The following ERMP1 variants were observed in gnomAD, a reference collection of about 807,000 sequenced individuals.
ERMP1 encodes the protein endoplasmic reticulum metallopeptidase 1.
A neutral mutation model predicts 92.0 loss-of-function variants in ERMP1; 86 were observed. The observed-to-expected ratio is 0.93, with a 90% CI of 0.79 to 1.12. The LOEUF (loss-of-function observed/expected upper bound fraction) is 1.12, where lower values mean the gene tolerates loss of function less well. Ranked by LOEUF, ERMP1 falls within the 50% of genes most tolerant of loss-of-function variation. ERMP1 has a pLI of 0.00. For synonymous variants in ERMP1, 530 were observed against 412.8 expected (o/e 1.28, Z -3.44); for missense variants, 1,342 against 1,116.3 (o/e 1.20, Z -2.88).
chr9:5,818,395 A>G (rs1829402556), intron 4 of ERMP1, among the ~76,000 whole-genome samples: 1 of 152,212 alleles, frequency 6.6e-6, no homozygotes, highest in South Asian at 2.1e-4. Flanking sequence ...CTCATACACT[A>G]AAGGTATTTC....
chr9:5,790,601 G>A (rs1828148015), intron 13 of ERMP1, among the ~76,000 whole-genome samples: 3 of 152,178 alleles, frequency 2.0e-5, no homozygotes, highest in African/African-American at 7.2e-5. Flanking sequence ...TTTCAGGCAA[G>A]TGGAAATTGT....
At chr9:5,808,495 G>A (rs1476499713) in intron 8 of ERMP1, among the ~76,000 whole-genome samples, 1 of 152,154 alleles carries the variant, frequency 6.6e-6, no homozygotes, top group African/African-American at 2.4e-5. Flanking sequence ...AGGTTCCACA[G>A]AACACATCCC....
In ERMP1 at chr9:5,819,141, A is replaced by G. The variant is rs538076047; in HGVS notation, c.874+4755T>C. On this transcript the variant is annotated intron_variant, in intron 4 of 14. Transcript: ENST00000339450. ...TGAATGTTTACTCCAGCATTATCAT[A>G]AAAGTCTAAAAGTGGAAACAATCCA... Among the ~76,000 whole-genome samples, 5 of 152,336 alleles carry G rather than the reference A, an allele frequency of 3.3e-5. No individual in the cohort carries two copies. The East Asian group carries it at 9.6e-4, about 29-fold the overall frequency.
chr9:5,842,443 AAAAAAAAG>A (rs1452189528), intron 6 of ERMP1, among the ~76,000 whole-genome samples: 1 of 150,538 alleles, frequency 6.6e-6, no homozygotes, highest in Non-Finnish European at 1.5e-5. Flanking sequence ...TCAAAAAAAA[AAAAAAAAG>A]AAAGAAAAGA....
At chr9:5,808,312 T>C (rs768115191) in intron 8 of ERMP1, among the ~76,000 whole-genome samples, 1 of 152,212 alleles carries the variant, frequency 6.6e-6, no homozygotes, top group East Asian at 1.9e-4. Flanking sequence ...CAATCAACAA[T>C]AGTTAGCCAC....
intron 2 of ERMP1, among the ~76,000 whole-genome samples, chr9:5,826,276 C>T (rs955967397): frequency 1.3e-5 from 2 of 152,210 alleles, no homozygotes; most frequent in Non-Finnish European, 1.5e-5. Context: ...GTAACTCAGG[C>T]AGTAACATTT....
intron 12 of ERMP1, among the ~76,000 whole-genome samples, chr9:5,798,167 C>T (rs980712772): frequency 1.3e-5 from 2 of 152,156 alleles, no homozygotes; most frequent in Non-Finnish European, 2.9e-5. Context: ...CCTATTTCTT[C>T]TCATCCAGTC....
intron 6 of ERMP1, among the ~76,000 whole-genome samples, chr9:5,854,050 C>A (rs1362071870): frequency 6.6e-6 from 1 of 151,910 alleles, no homozygotes; most frequent in Non-Finnish European, 1.5e-5. Flanking sequence ...GCTTATATAT[C>A]ATTTTAACAA....
intron 12 of ERMP1, 59 bp from the exon 13 acceptor site, chr9:5,797,991 C>G (rs1410509203): frequency 9.8e-7 from 1 of 1,024,526 alleles, no homozygotes; most frequent in Non-Finnish European, 1.5e-6. Flanking sequence ...CTATCTGTAA[C>G]TCACAGAACT....
At chr9:5,798,698 A>C (rs1442048451) in intron 12 of ERMP1, 108 bp downstream of exon 12, 5 of 668,738 alleles carry the variant, frequency 7.5e-6, no homozygotes, top group Non-Finnish European at 1.3e-5. Context: ...TAGTACAAAC[A>C]CCACTGAACT....
In ERMP1 at chr9:5,832,833, C is replaced by G; in HGVS notation, c.195G>C (p.Gly65=). Residue 65 remains glycine, a synonymous_variant, in exon 1 of 15, where the codon GGG becomes GGC. Transcript: ENST00000339450. ...CGGCGCGCACCTCAGACAGCCCGGT[C>G]CCCGCGCCCCTGCTCGCGCCGCCGC... ...GGSGGASRGA[G]TGLSEVRAAL... 6.7e-7 allele frequency: 1 copy of G among 1,501,702 alleles called. No homozygotes were observed. The highest frequency in any genetic ancestry group is 1.2e-5 in the South Asian group (1 of 80,164). 93.0% of individuals were successfully genotyped at this position (1,501,702 alleles called of 1,614,324 possible).
In ERMP1 at chr9:5,799,344, A is replaced by G. The variant is rs144845151; in HGVS notation, c.2068-336T>C. ...ACATCCTAAGCACATATATACATAC[A>G]CACTCATTTCCCTATTAGTGTTTTA... is the stretch of plus-strand genomic sequence containing the variant. On this transcript the variant is annotated intron_variant, in intron 11 of 14. Coordinates refer to ENST00000339450, the MANE Select transcript of ERMP1 (RefSeq NM_024896.3). Among the ~76,000 whole-genome samples the G allele has an allele frequency of 8.6e-3, 1,315 of 152,302 alleles. 17 individuals are homozygous for G. The highest frequency in any genetic ancestry group is 0.03 in the African/African-American group (1,265 of 41,558).
chr9:5,804,462 G>T (rs961560725), intron 10 of ERMP1, among the ~76,000 whole-genome samples: 1 of 152,158 alleles, frequency 6.6e-6, no homozygotes, highest in African/African-American at 2.4e-5. Flanking sequence ...GGCAAAATGA[G>T]GACTGACAAG....
rs1225589487 is a variant in ERMP1, at chr9:5,811,243, T to C, written c.1195A>G (p.Met399Val). ...AAASKYRHGN[M>V]VFFDVLGLFV... ...AGGCCCAGCACATCAAAGAAGACCA[T>C]GTTTCCATGTCGATACTTAGAAGCA... is the stretch of plus-strand genomic sequence containing the variant. The change falls in exon 7 of 15, where the codon ATG becomes GTG. Residue 399 changes from methionine to valine, a missense_variant. Met to Val is a conservative substitution (Grantham distance 21). Transcript: ENST00000339450. 6.2e-7 allele frequency: 1 copy of C among 1,613,784 alleles called. No individual in the cohort carries two copies. Among genetic ancestry groups the C allele is most frequent in the Non-Finnish European group, 8.5e-7 (1 of 1,179,938 alleles).
At chr9:5,838,057 C>T (rs1166028288), upstream of ERMP1, among the ~76,000 whole-genome samples, 5 of 152,066 alleles carry the variant, frequency 3.3e-5, no homozygotes, top group African/African-American at 4.8e-5. Context: ...CAACATCACG[C>T]ACTGCCCTCC....
At chr9:5,823,401 A>C (rs937820199) in intron 4 of ERMP1, among the ~76,000 whole-genome samples, 1 of 152,234 alleles carries the variant, frequency 6.6e-6, no homozygotes, top group Admixed American at 6.5e-5. Context: ...TTCTCATTTT[A>C]ACTCATGAAA....
intron 12 of ERMP1, among the ~76,000 whole-genome samples, chr9:5,798,371 C>G (rs1828532610): frequency 6.6e-6 from 1 of 152,112 alleles, no homozygotes; most frequent in Non-Finnish European, 1.5e-5. Context: ...CATGCACCAC[C>G]ATGCCCGGCT....
chr9:5,787,224 G>A lies in ERMP1; in HGVS notation c.2635C>T (p.Leu879=). The A allele has an allele frequency of 6.2e-7, 1 of 1,614,108 alleles. No homozygotes were observed. Among genetic ancestry groups the A allele is most frequent in the Non-Finnish European group, 8.5e-7 (1 of 1,179,986 alleles). The change falls in exon 15 of 15, where the codon CTG becomes TTG. Residue 879 remains leucine (L), a synonymous_variant. Transcript: ENST00000339450. ...GGGAACTTTTCCTTCAGAGCATCCA[G>A]TTGAGGGGATCTCTTGTCTTCCCCA... ...LSGEDKRSPQ[L]DALKEKFPDW...
At chr9:5,796,189 T>C (rs570208513) in intron 13 of ERMP1, among the ~76,000 whole-genome samples, 3 of 152,236 alleles carry the variant, frequency 2.0e-5, no homozygotes, top group Non-Finnish European at 4.4e-5. Flanking sequence ...ACAAGTTATT[T>C]TGTGAATATT....
Sources: allele counts gnomAD v4.1 joint callset (sites outside exome capture counted in the v4.1 genomes callset), GRCh38; gene constraint gnomAD v4.1.1; transcripts MANE v1.5; gene names NCBI Gene and HGNC (gene_info 2026-07-23, HGNC 2026-07-21).